The following STPG2 variants were observed in gnomAD, a reference collection of about 807,000 sequenced individuals.
STPG2 encodes sperm-tail PG-rich repeat-containing protein 2.
In STPG2, 56 loss-of-function variants were observed where a neutral mutation model predicts 54.2. The ratio of observed to expected loss-of-function variants is 1.03; its 90% CI spans 0.83 to 1.29. The LOEUF is 1.29. Ranked by LOEUF, STPG2 falls within the 50% of genes most tolerant of loss-of-function variation. The pLI is 0.00. For missense variants in STPG2, 596 were observed against 544.9 expected, an observed-to-expected ratio of 1.09 and a Z score of -0.93; for synonymous variants, 200 against 181.8, an observed-to-expected ratio of 1.10 and a Z score of -0.81.
chr4:97,728,043 T>C (rs1350174204), intron 9 of STPG2, among the ~76,000 whole-genome samples: 4 of 152,050 alleles, frequency 2.6e-5, no homozygotes, highest in Admixed American at 6.6e-5. Flanking sequence ...CTTTAGCAAA[T>C]GCATATTATC....
At chr4:97,499,113 C>A (rs377513002) in intron 4 of STPG2, among the ~76,000 whole-genome samples, 1 of 151,848 alleles carries the variant, frequency 6.6e-6, no homozygotes, top group African/African-American at 2.4e-5. Context: ...AAACAACTTA[C>A]GTAATACAGG....
At chr4:97,597,700 CT>C (rs1733335899) in intron 10 of STPG2, among the ~76,000 whole-genome samples, 1 of 152,094 alleles carries the variant, frequency 6.6e-6, no homozygotes. Context: ...ATGTTAAAAA[CT>C]CTCAACAAAT....
chr4:97,707,148 T>C (rs1273162896), intron 10 of STPG2, among the ~76,000 whole-genome samples: 2 of 152,100 alleles, frequency 1.3e-5, no homozygotes, highest in East Asian at 3.9e-4. Flanking sequence ...AGTAAATATG[T>C]AGAAATGTTG....
intron 8 of STPG2, among the ~76,000 whole-genome samples, chr4:97,940,515 TG>T (rs1243201003): frequency 6.6e-6 from 1 of 152,222 alleles, no homozygotes; most frequent in Non-Finnish European, 1.5e-5. Context: ...CTTTTTTCTC[TG>T]GTTTTGTCTG....
Position 98,013,978 on chromosome 4 carries a change from G to T in STPG2, c.613-32660C>A, listed in dbSNP as rs1432565834. On this transcript the variant is annotated intron_variant, in intron 5 of 10. Transcript: ENST00000295268. Reference sequence around the variant, plus strand: ...TCATGTCTCTATCTCTTTCAGTTCTGCTCTGATCTTAGTTATTTCTTGTCT... The same window carrying T: ...TCATGTCTCTATCTCTTTCAGTTCTTCTCTGATCTTAGTTATTTCTTGTCT... Among the ~76,000 whole-genome samples the T allele has an allele frequency of 2.0e-5, 3 of 151,708 alleles. No homozygotes were observed. In the East Asian group the frequency reaches 5.9e-4, roughly 30 times the overall value.
At chr4:97,751,037 T>C (rs1485045373) in intron 9 of STPG2, among the ~76,000 whole-genome samples, 4 of 151,836 alleles carry the variant, frequency 2.6e-5, no homozygotes, top group African/African-American at 9.7e-5. Flanking sequence ...CAGGTCTGAG[T>C]TGCTCAAACC....
intron 5 of STPG2, among the ~76,000 whole-genome samples, chr4:98,011,518 T>C (rs946329466): frequency 6.6e-5 from 10 of 152,206 alleles, no homozygotes; most frequent in Non-Finnish European, 1.0e-4. Flanking sequence ...TGGTTCTAGA[T>C]CCTTGAGGAA....
chr4:97,916,048 G>A (rs1731863254), intron 8 of STPG2, among the ~76,000 whole-genome samples: 1 of 152,144 alleles, frequency 6.6e-6, no homozygotes, highest in Non-Finnish European at 1.5e-5. Context: ...GGCAATCACT[G>A]CATTTCATAA....
intron 10 of STPG2, among the ~76,000 whole-genome samples, chr4:97,688,241 T>C (rs1384002759): frequency 1.3e-5 from 2 of 152,124 alleles, no homozygotes; most frequent in African/African-American, 4.8e-5. Context: ...TCAAATATCT[T>C]AAATATAATA....
intron 5 of STPG2, among the ~76,000 whole-genome samples, chr4:98,041,173 C>T (rs1461448964): frequency 2.0e-5 from 3 of 151,760 alleles, no homozygotes; most frequent in Admixed American, 2.0e-4. Context: ...TTTTTGTACA[C>T]TGATTTCATA....
At chr4:97,900,492 A>T (rs914349558) in intron 8 of STPG2, among the ~76,000 whole-genome samples, 8 of 152,104 alleles carry the variant, frequency 5.3e-5, no homozygotes, top group Admixed American at 3.3e-4. Flanking sequence ...CTGCAGCCCT[A>T]TTCACAATAC....
intron 5 of STPG2, among the ~76,000 whole-genome samples, chr4:98,099,805 A>C (rs1738973253): frequency 6.6e-6 from 1 of 152,284 alleles, no homozygotes; most frequent in East Asian, 1.9e-4. Flanking sequence ...AACTTTTTTT[A>C]ATGTTTTTAA....
chr4:97,934,475 C>A (rs564134150), intron 8 of STPG2, among the ~76,000 whole-genome samples: 1 of 152,286 alleles, frequency 6.6e-6, no homozygotes, highest in Non-Finnish European at 1.5e-5. Flanking sequence ...TTTTCCCACT[C>A]AGTATGATAT....
At chr4:97,579,145 G>C (rs1560670254) in intron 10 of STPG2, among the ~76,000 whole-genome samples, 1 of 151,996 alleles carries the variant, frequency 6.6e-6, no homozygotes, top group Non-Finnish European at 1.5e-5. Flanking sequence ...TGAATTTTTA[G>C]TAAGTTGATA....
chr4:97,500,590 C>A (rs1329981916), intron 4 of STPG2, among the ~76,000 whole-genome samples: 1 of 151,984 alleles, frequency 6.6e-6, no homozygotes, highest in Non-Finnish European at 1.5e-5. Context: ...AGCATTACAG[C>A]TTTAATAAGT....
At chr4:97,725,921 CA>C (rs757745609) in intron 9 of STPG2, among the ~76,000 whole-genome samples, 2 of 150,258 alleles carry the variant, frequency 1.3e-5, no homozygotes, top group Non-Finnish European at 3.0e-5. Flanking sequence ...AAGTCCCCCA[CA>C]AAGGAAAAAA....
intron 9 of STPG2, among the ~76,000 whole-genome samples, chr4:97,820,864 T>C (rs1728065295): frequency 2.0e-5 from 3 of 152,128 alleles, no homozygotes; most frequent in African/African-American, 7.2e-5. Context: ...CAAGCCAGAA[T>C]GGATCCTCCT....
At chr4:97,937,719 TGAG>T (rs1210000627) in intron 8 of STPG2, among the ~76,000 whole-genome samples, 3 of 152,274 alleles carry the variant, frequency 2.0e-5, no homozygotes, top group Admixed American at 6.5e-5. Flanking sequence ...AGATGTCACC[TGAG>T]GAGGCTGAAG....
intron 10 of STPG2, among the ~76,000 whole-genome samples, chr4:97,691,781 T>C (rs1267090946): frequency 1.3e-5 from 2 of 152,186 alleles, no homozygotes; most frequent in African/African-American, 4.8e-5. Context: ...GGACCCTCCC[T>C]GTGTCCACTT....
Sources: allele counts gnomAD v4.1 joint callset (sites outside exome capture counted in the v4.1 genomes callset), GRCh38; gene constraint gnomAD v4.1.1; transcripts MANE v1.5; gene names NCBI Gene and HGNC (gene_info 2026-07-23, HGNC 2026-07-21).